MTMR7: variants seen among roughly 807,000 people sequenced by gnomAD.
MTMR7 encodes myotubularin related protein 7, also known as phosphatidylinositol-3-phosphate phosphatase MTMR7.
A neutral mutation model predicts 81.2 loss-of-function variants in MTMR7; 76 were observed. The ratio of observed to expected loss-of-function variants is 0.94; its 90% CI spans 0.78 to 1.13. The LOEUF (loss-of-function observed/expected upper bound fraction) is 1.13, where lower values mean the gene tolerates loss of function less well. MTMR7 is among the 50% of genes most tolerant of loss of function. MTMR7 has a pLI of 0.00. For synonymous variants in MTMR7, 372 were observed against 289.8 expected (o/e 1.28, Z -2.88); for missense variants, 1,044 against 820.0 (o/e 1.27, Z -3.34).
chr8:17,317,525 C>A (rs1818152367), intron 7 of MTMR7, among the ~76,000 whole-genome samples: 1 of 152,196 alleles, frequency 6.6e-6, no homozygotes, highest in Admixed American at 6.5e-5. Context: ...CCTGGTACTC[C>A]TGATCCCAGA....
intron 6 of MTMR7, among the ~76,000 whole-genome samples, chr8:17,333,140 C>G (rs1392839705): frequency 6.6e-6 from 1 of 152,190 alleles, no homozygotes; most frequent in African/African-American, 2.4e-5. Context: ...GTGACATCAG[C>G]TGGGCCACAT....
chr8:17,391,587 C>A (rs117387013), intron 1 of MTMR7, among the ~76,000 whole-genome samples: 1 of 152,066 alleles, frequency 6.6e-6, no homozygotes, highest in Non-Finnish European at 1.5e-5. Flanking sequence ...ATCCGTTTAG[C>A]TTAAAAGGCA....
intron 1 of MTMR7, among the ~76,000 whole-genome samples, chr8:17,382,396 G>C (rs1420604013): frequency 6.6e-6 from 1 of 152,126 alleles, no homozygotes; most frequent in African/African-American, 2.4e-5. Flanking sequence ...GGGGAGTTAG[G>C]AAATCACTGG....
chr8:17,302,907 C>T (rs1462561587), intron 12 of MTMR7, among the ~76,000 whole-genome samples: 2 of 151,846 alleles, frequency 1.3e-5, no homozygotes, highest in Non-Finnish European at 2.9e-5. Context: ...GACAGGGTTT[C>T]ACCATGTTGG....
chr8:17,300,340 A>G lies in MTMR7; in HGVS notation c.1621-116T>C, dbSNP rs1049456848. 65 of 1,152,328 alleles carry G rather than the reference A, an allele frequency of 5.6e-5. No individual in the cohort carries two copies. The African/African-American group carries it at 9.2e-4, about 16-fold the overall frequency. 71.4% of individuals were successfully genotyped at this position (1,152,328 alleles called of 1,614,324 possible). On this transcript the variant is annotated intron_variant, in intron 13 of 13. Transcript: ENST00000180173. ...GTGGGTATAATGTTAAGAACATGTG[A>G]CTCAGAGGGATGTGAGTTCAAACCT...
Position 17,297,556 on chromosome 8 carries a change from C to CTATT in MTMR7, c.*2302_*2305dup, listed in dbSNP as rs79803290. On this transcript the variant is annotated 3_prime_UTR_variant, in exon 14 of 14. Transcript: ENST00000180173. Reference sequence around the variant, plus strand: ...GCTGGGTCATGGTCAAAATTCTTACCTATTTATTTCATATCAACTTTAAAA... The same window carrying CTATT: ...GCTGGGTCATGGTCAAAATTCTTACCTATTTATTTATTTCATATCAACTTTAAAA... The CTATT allele has an allele frequency of 7.9e-5, 12 of 151,690 alleles. No homozygotes were observed. Among genetic ancestry groups the CTATT allele is most frequent in the African/African-American group, 1.2e-4 (5 of 41,388 alleles). The allele number at this position is 151,690 out of a possible 1,614,324, so 9.4% of individuals were successfully genotyped here.
chr8:17,390,839 G>A (rs1343923148), intron 1 of MTMR7, among the ~76,000 whole-genome samples: 1 of 152,178 alleles, frequency 6.6e-6, no homozygotes, highest in Non-Finnish European at 1.5e-5. Flanking sequence ...AGAGTAGTAA[G>A]GGGAAACCAC....
intron 7 of MTMR7, among the ~76,000 whole-genome samples, chr8:17,327,520 A>G (rs2285279): frequency 0.34 from 51,649 of 151,996 alleles, 11,871 homozygotes; most frequent in African/African-American, 0.65. Flanking sequence ...TGGCTCAAGT[A>G]ATCCTCAATG....
intron 3 of MTMR7, 91 bp from the exon 4 acceptor site, chr8:17,361,365 CAG>C: frequency 6.9e-7 from 1 of 1,441,352 alleles, no homozygotes; most frequent in Non-Finnish European, 9.6e-7. Flanking sequence ...CTGGAGTGCC[CAG>C]AGAGGCCATC....
chr8:17,322,708 C>T (rs530065158), intron 7 of MTMR7, among the ~76,000 whole-genome samples: 1 of 151,960 alleles, frequency 6.6e-6, no homozygotes, highest in African/African-American at 2.4e-5. Flanking sequence ...GCCTGTAGTC[C>T]CAGATACTCA....
intron 1 of MTMR7, among the ~76,000 whole-genome samples, chr8:17,391,702 G>A (rs1266996377): frequency 6.6e-6 from 1 of 152,122 alleles, no homozygotes. Context: ...TTTGCTACAG[G>A]CCCTAAGGAG....
rs751897350 is a variant in MTMR7, at chr8:17,305,752, C to T, written c.1352+5G>A. 1.2e-6 allele frequency: 2 copies of T among 1,602,436 alleles called. No individual in the cohort carries two copies. The highest frequency in any genetic ancestry group is 2.2e-5 in the South Asian group (2 of 90,300). On this transcript the variant is annotated splice_donor_5th_base_variant and intron_variant, in intron 11 of 13. Coordinates refer to ENST00000180173, the MANE Select transcript of MTMR7 (RefSeq NM_004686.5). ...GTTAAACACCAAAAACACCAAAACACTTACTTGAGTTCTCGTCTCTCCTTT... is the reference window on the plus strand; with the variant it reads ...GTTAAACACCAAAAACACCAAAACATTTACTTGAGTTCTCGTCTCTCCTTT...
intron 10 of MTMR7, among the ~76,000 whole-genome samples, chr8:17,306,805 G>A (rs1275793397): frequency 6.6e-6 from 1 of 152,170 alleles, no homozygotes; most frequent in Non-Finnish European, 1.5e-5. Context: ...ACCTTTGGTA[G>A]CTTTAAAAAG....
intron 5 of MTMR7, chr8:17,346,008 G>A (rs1819540926): frequency 6.6e-6 from 1 of 152,206 alleles, no homozygotes; most frequent in Non-Finnish European, 1.5e-5. Flanking sequence ...TTTATGGAAT[G>A]TGTACCTGTT....
At chr8:17,330,240 C>T (rs942093266) in intron 7 of MTMR7, among the ~76,000 whole-genome samples, 1 of 152,214 alleles carries the variant, frequency 6.6e-6, no homozygotes, top group East Asian at 1.9e-4. Flanking sequence ...AAAAATAATT[C>T]AGCACCTTAT....
intron 11 of MTMR7, 132 bp from the exon 12 acceptor site, chr8:17,304,651 T>G: frequency 2.3e-6 from 2 of 859,812 alleles, no homozygotes; most frequent in East Asian, 5.3e-5. Flanking sequence ...AGCAGGTAAA[T>G]GTATCATCTT....
At position 17,391,257 on chromosome 8, in the gene MTMR7, G is replaced by C. The variant is rs1238573359; in HGVS notation, c.25-18017C>G. On this transcript the variant is annotated intron_variant, in intron 1 of 13. Transcript: ENST00000180173. ...ATGACTTTGACTTTCACTCTGAGTA[G>C]GGTAGGAAGCAACTGGAAGGTTTAC... 3.3e-5 allele frequency among the ~76,000 whole-genome samples: 5 copies of C among 152,126 alleles called. No homozygotes were observed. The East Asian group carries it at 5.8e-4, about 18-fold the overall frequency.
At chr8:17,413,131 A>C (rs13268193) in intron 1 of MTMR7, 138 bp downstream of exon 1, 310,691 of 976,952 alleles carry the variant, frequency 0.32, 51,861 homozygotes, top group South Asian at 0.37. Flanking sequence ...TGCTCAGGCA[A>C]TGCCTGCTCC....
chr8:17,411,074 A>G (rs1422829746), intron 1 of MTMR7, among the ~76,000 whole-genome samples: 1 of 152,216 alleles, frequency 6.6e-6, no homozygotes, highest in Non-Finnish European at 1.5e-5. Flanking sequence ...AAGCTCTGTA[A>G]GTAATGTTGT....
Sources: gnomAD v4.1 joint callset for allele counts (sites outside exome capture counted in the v4.1 genomes callset) on GRCh38, gnomAD v4.1.1 for gene constraint, MANE v1.5 for transcripts, NCBI Gene and HGNC (gene_info 2026-07-23, HGNC 2026-07-21) for gene names.